The following PRKG2 variants were observed in gnomAD, a reference collection of about 807,000 sequenced individuals.
PRKG2 encodes protein kinase cGMP-dependent 2, also known as cGMP-dependent protein kinase 2.
PRKG2 carries 33 observed loss-of-function variants against 97.2 expected under a neutral mutation model. The observed-to-expected ratio is 0.34, with a 90% CI of 0.26 to 0.45. The LOEUF is 0.45. PRKG2 is among the 20% of genes least tolerant of loss of function. PRKG2 has a pLI of 1.00. For missense variants in PRKG2, 638 were observed against 900.0 expected, an observed-to-expected ratio of 0.71 and a Z score of 3.73; for synonymous variants, 330 against 321.8, an observed-to-expected ratio of 1.03 and a Z score of -0.27.
At chr4:81,196,883 A>T (rs1362399288) in intron 2 of PRKG2, among the ~76,000 whole-genome samples, 1 of 152,166 alleles carries the variant, frequency 6.6e-6, no homozygotes, top group East Asian at 1.9e-4. Flanking sequence ...GTGAGACTTT[A>T]ATGAAAAGAA....
chr4:81,208,084 T>A (rs1290424135), intron 1 of PRKG2, among the ~76,000 whole-genome samples: 1 of 152,222 alleles, frequency 6.6e-6, no homozygotes, highest in African/African-American at 2.4e-5. Context: ...AAGATCAGAA[T>A]TTAACATGAG....
At chr4:81,127,380 G>A (rs915719535) in intron 14 of PRKG2, among the ~76,000 whole-genome samples, 1 of 152,110 alleles carries the variant, frequency 6.6e-6, no homozygotes, top group African/African-American at 2.4e-5. Flanking sequence ...GAACTTTAAA[G>A]TAATTTTTTC....
At position 81,140,559 on chromosome 4, in the gene PRKG2, C is replaced by T; in HGVS notation, c.1518G>A (p.Glu506=). 6.2e-7 allele frequency: 1 copy of T among 1,609,224 alleles called. No homozygotes were observed. Among genetic ancestry groups the T allele is most frequent in the East Asian group, 2.2e-5 (1 of 44,810 alleles). Residue 506 remains glutamate (E), a synonymous_variant, in exon 12 of 19, where the codon GAG becomes GAA. Coordinates refer to ENST00000264399, the MANE Select transcript of PRKG2 (RefSeq NM_006259.3). The stretch of plus-strand genomic sequence containing the variant: ...TCACAATGAATGGAGAGCACAGCTC[C>T]TCTAGGATCCTCTTCTCTGAGTAGA... ...EHVYSEKRIL[E]ELCSPFIVKL...
In PRKG2 at chr4:81,105,842, T is replaced by A; in HGVS notation, c.2034A>T (p.Arg678=). The A allele has an allele frequency of 1.2e-6, 2 of 1,613,878 alleles. No individual in the cohort carries two copies. The highest frequency in any genetic ancestry group is 2.2e-5 in the South Asian group (2 of 91,082). ...KMDFPRKITR[R]PEDLIRRLCR... The stretch of plus-strand genomic sequence containing the variant: ...AAAGCCTCCGAATCAAATCCTCAGG[T>A]CGTCGTGTTATCTTCCTGGGAAAAT... Residue 678 remains arginine, a synonymous_variant, in exon 16 of 19, where the codon CGA becomes CGT. Transcript: ENST00000264399.
At chr4:81,097,294 C>A (rs1376521081) in intron 17 of PRKG2, among the ~76,000 whole-genome samples, 2 of 152,060 alleles carry the variant, frequency 1.3e-5, no homozygotes, top group Admixed American at 1.3e-4. Flanking sequence ...TGTCAATGAA[C>A]AGTAATATTT....
chr4:81,162,083 G>C (rs1290748676), intron 6 of PRKG2, among the ~76,000 whole-genome samples: 1 of 152,116 alleles, frequency 6.6e-6, no homozygotes, highest in African/African-American at 2.4e-5. Context: ...TTGCTCAGCT[G>C]TTTCCTACAT....
At chr4:81,156,568 C>T (rs148005057) in intron 6 of PRKG2, among the ~76,000 whole-genome samples, 14,931 of 152,144 alleles carry the variant, frequency 0.098, 993 homozygotes, top group Middle Eastern at 0.2. Flanking sequence ...CTCAGCTCTG[C>T]ACCAAGCTGA....
At chr4:81,182,192 G>A (rs1169391096) in intron 2 of PRKG2, among the ~76,000 whole-genome samples, 1 of 151,568 alleles carries the variant, frequency 6.6e-6, no homozygotes, top group African/African-American at 2.4e-5. Context: ...TGAATAGAGG[G>A]ACAAAAGTAA....
chr4:81,117,950 G>T (rs1357320671), intron 14 of PRKG2, among the ~76,000 whole-genome samples: 2 of 152,072 alleles, frequency 1.3e-5, no homozygotes, highest in Admixed American at 6.5e-5. Context: ...GTATCATACA[G>T]AGTATTTTCA....
chr4:81,124,269 A>G (rs1209830220), intron 14 of PRKG2, among the ~76,000 whole-genome samples: 1 of 152,212 alleles, frequency 6.6e-6, no homozygotes, highest in Non-Finnish European at 1.5e-5. Flanking sequence ...TTGAGGTGTC[A>G]GCTGAAAGCT....
At chr4:81,179,251 C>T (rs1394489195) in intron 2 of PRKG2, among the ~76,000 whole-genome samples, 1 of 151,846 alleles carries the variant, frequency 6.6e-6, no homozygotes, top group African/African-American at 2.4e-5. Flanking sequence ...ATATCTAGGC[C>T]TACCATAGTC....
In PRKG2 at chr4:81,090,869, TAATA is replaced by T. The variant is rs963590764; in HGVS notation, c.2194-1070_2194-1067del. The stretch of plus-strand genomic sequence containing the variant: ...GATGCTGAATCTGATCCCATTCTTC[TAATA>T]AATAATATCTATCCATAGATACATG... On this transcript the variant is annotated intron_variant, in intron 18 of 18. Transcript: ENST00000264399. 1.0e-3 allele frequency among the ~76,000 whole-genome samples: 152 copies of T among 152,322 alleles called. 1 individual carries two copies. Among genetic ancestry groups the T allele is most frequent in the African/African-American group, 3.4e-3 (141 of 41,576 alleles).
chr4:81,189,094 A>AAAAAAAAAC (rs1553930140), intron 2 of PRKG2, among the ~76,000 whole-genome samples: 1 of 110,000 alleles, frequency 9.1e-6, no homozygotes, highest in Non-Finnish European at 1.6e-5. Context: ...AAAAAAAAAG[A>AAAAAAAAAC]AGCTAGCAAT....
At chr4:81,093,149 C>A (rs994598643) in intron 17 of PRKG2, among the ~76,000 whole-genome samples, 3 of 151,942 alleles carry the variant, frequency 2.0e-5, no homozygotes, top group African/African-American at 7.3e-5. Context: ...TTACTTTTCT[C>A]TTTCTTTCTC....
chr4:81,205,198 A>G (rs1753581921), intron 1 of PRKG2, 138 bp from the exon 2 acceptor site: 4 of 563,988 alleles, frequency 7.1e-6, no homozygotes, highest in Non-Finnish European at 8.7e-6. Flanking sequence ...AACTTCCCGA[A>G]GTTTCCAGAA....
At chr4:81,144,610 A>ATATTT (rs1553923811) in intron 9 of PRKG2, among the ~76,000 whole-genome samples, 56 of 140,056 alleles carry the variant, frequency 4.0e-4, no homozygotes, top group African/African-American at 1.5e-3. Flanking sequence ...ATATATATAT[A>ATATTT]TTTTTTTTTT....
chr4:81,188,774 CA>C lies in PRKG2; in HGVS notation c.462-13816del, dbSNP rs1468797759. Reference sequence around the variant, plus strand: ...CATTCTCAGTAAACTATCGCAAGAACAAAAAACGAAACACCGCATATTCTCA... The same window carrying C: ...CATTCTCAGTAAACTATCGCAAGAACAAAAACGAAACACCGCATATTCTCA... On this transcript the variant is annotated intron_variant, in intron 2 of 18. Transcript: ENST00000264399. 3.7e-5 allele frequency among the ~76,000 whole-genome samples: 4 copies of C among 107,084 alleles called. No individual in the cohort carries two copies. The East Asian group carries it at 1.3e-3, about 36-fold the overall frequency. The allele number at this position is 107,084 out of a possible 152,430, so 70.3% of individuals were successfully genotyped here.
At chr4:81,203,906 T>G (rs1370996488) in intron 2 of PRKG2, among the ~76,000 whole-genome samples, 1 of 152,214 alleles carries the variant, frequency 6.6e-6, no homozygotes, top group Admixed American at 6.5e-5. Context: ...CAGGCCTTCA[T>G]GACAAGCCTG....
Position 81,144,338 on chromosome 4 carries a change from GATAGA to G in PRKG2, c.1155-13_1155-9del. On this transcript the variant is annotated splice_polypyrimidine_tract_variant and intron_variant, in intron 9 of 18. Transcript: ENST00000264399. The stretch of plus-strand genomic sequence containing the variant: ...ACAGTTTGGTTGAATGTTCTAAATA[GATAGA>G]ATAAAGTAAAATGCTCCGTGCTGAT... 6.3e-7 allele frequency: 1 copy of G among 1,592,516 alleles called. No homozygotes were observed. Among genetic ancestry groups the G allele is most frequent in the Non-Finnish European group, 8.6e-7 (1 of 1,161,438 alleles).
Sources: allele counts gnomAD v4.1 joint callset (sites outside exome capture counted in the v4.1 genomes callset), GRCh38; gene constraint gnomAD v4.1.1; transcripts MANE v1.5; gene names NCBI Gene and HGNC (gene_info 2026-07-23, HGNC 2026-07-21).